PCDH9: variants seen among roughly 807,000 people sequenced by gnomAD.
PCDH9 encodes protocadherin-9.
Under a neutral mutation model 70.6 loss-of-function variants are expected in PCDH9, and 24 were observed. The ratio of observed to expected loss-of-function variants is 0.34; its 90% CI spans 0.25 to 0.48. The LOEUF is 0.48. PCDH9 is among the 20% of genes least tolerant of loss of function. The pLI, the probability that PCDH9 is intolerant of heterozygous loss-of-function variation, is 0.99. For synonymous variants in PCDH9, 562 were observed against 558.5 expected (o/e 1.01, Z -0.09); for missense variants, 1,281 against 1,503.6 (o/e 0.85, Z 2.45).
At chr13:67,051,382 A>ATTGTTTTTT (rs2085320319) in intron 2 of PCDH9, among the ~76,000 whole-genome samples, 1 of 70,996 alleles carries the variant, frequency 1.4e-5, no homozygotes. Context: ...ACAATACAAG[A>ATTGTTTTTT]TTTTTTTTTT....
At chr13:66,388,846 C>T (rs543887820) in intron 4 of PCDH9, among the ~76,000 whole-genome samples, 135 of 152,164 alleles carry the variant, frequency 8.9e-4, no homozygotes, top group African/African-American at 3.0e-3. Flanking sequence ...AATGTAGCCC[C>T]CTCAGAATAT....
At chr13:66,717,303 T>TTAGC (rs2078877468) in intron 3 of PCDH9, among the ~76,000 whole-genome samples, 2 of 150,756 alleles carry the variant, frequency 1.3e-5, no homozygotes, top group African/African-American at 4.9e-5. Flanking sequence ...AATACAAAAA[T>TTAGC]TAGCCAGGTG....
chr13:66,642,549 T>G (rs566389424), intron 3 of PCDH9, among the ~76,000 whole-genome samples: 27 of 152,172 alleles, frequency 1.8e-4, no homozygotes, highest in African/African-American at 6.3e-4. Flanking sequence ...ACTAGATTTT[T>G]TAAAGTTTTC....
chr13:66,570,351 T>C (rs1324161728), intron 4 of PCDH9, among the ~76,000 whole-genome samples: 1 of 152,106 alleles, frequency 6.6e-6, no homozygotes, highest in Non-Finnish European at 1.5e-5. Flanking sequence ...TTTTGACTAC[T>C]TTGGTGGATA....
intron 4 of PCDH9, among the ~76,000 whole-genome samples, chr13:66,411,011 A>G (rs1251062712): frequency 6.6e-6 from 1 of 152,224 alleles, no homozygotes; most frequent in East Asian, 1.9e-4. Context: ...TCATAATGGT[A>G]ACAGGTGAAT....
chr13:67,046,952 G>T (rs536805114), intron 2 of PCDH9, among the ~76,000 whole-genome samples: 1 of 152,140 alleles, frequency 6.6e-6, no homozygotes, highest in Non-Finnish European at 1.5e-5. Flanking sequence ...GATGATTTCA[G>T]TATAATCTAG....
At chr13:66,551,301 G>C (rs1433894648) in intron 4 of PCDH9, among the ~76,000 whole-genome samples, 1 of 152,104 alleles carries the variant, frequency 6.6e-6, no homozygotes, top group African/African-American at 2.4e-5. Context: ...GAAGCACAAT[G>C]CATTTCACTG....
At chr13:66,526,117 T>A (rs1051883047) in intron 4 of PCDH9, among the ~76,000 whole-genome samples, 2 of 152,152 alleles carry the variant, frequency 1.3e-5, no homozygotes, top group African/African-American at 4.8e-5. Flanking sequence ...AAAATAAATA[T>A]TAGTTTTGTG....
At chr13:66,348,199 G>T (rs1433077532) in intron 4 of PCDH9, among the ~76,000 whole-genome samples, 1 of 151,494 alleles carries the variant, frequency 6.6e-6, no homozygotes, top group Non-Finnish European at 1.5e-5. Context: ...CACATTTCTG[G>T]GGTCTTCTAG....
At chr13:66,786,381 G>A (rs917120155) in intron 3 of PCDH9, among the ~76,000 whole-genome samples, 1 of 152,152 alleles carries the variant, frequency 6.6e-6, no homozygotes, top group Non-Finnish European at 1.5e-5. Context: ...GAAGGCTTAT[G>A]CTGTATGCTT....
chr13:66,949,670 C>T (rs1273805973), intron 2 of PCDH9, among the ~76,000 whole-genome samples: 1 of 151,752 alleles, frequency 6.6e-6, no homozygotes, highest in Admixed American at 6.6e-5. Flanking sequence ...AGATGCACAA[C>T]CTTAATCTTT....
chr13:66,829,558 A>G (rs2080886251), intron 3 of PCDH9, among the ~76,000 whole-genome samples: 1 of 151,630 alleles, frequency 6.6e-6, no homozygotes, highest in Non-Finnish European at 1.5e-5. Context: ...AAAAGGGTGA[A>G]TTTTACTGTT....
At chr13:66,735,052 T>G (rs1463437483) in intron 3 of PCDH9, among the ~76,000 whole-genome samples, 2 of 152,306 alleles carry the variant, frequency 1.3e-5, no homozygotes, top group East Asian at 3.9e-4. Context: ...TTCAGTCACA[T>G]GAATATATAT....
chr13:66,604,919 C>T (rs1421415663), intron 4 of PCDH9, among the ~76,000 whole-genome samples: 1 of 151,722 alleles, frequency 6.6e-6, no homozygotes, highest in African/African-American at 2.4e-5. Context: ...TAAGTAAGGC[C>T]GTAAAATTCC....
intron 2 of PCDH9, among the ~76,000 whole-genome samples, chr13:67,189,407 G>A (rs773973398): frequency 1.3e-5 from 2 of 151,902 alleles, no homozygotes; most frequent in Non-Finnish European, 2.9e-5. Context: ...AAACACAGAC[G>A]CATGTAACTA....
intron 2 of PCDH9, among the ~76,000 whole-genome samples, chr13:67,108,017 G>A (rs575313605): frequency 3.6e-4 from 55 of 152,294 alleles, no homozygotes; most frequent in African/African-American, 1.3e-3. Flanking sequence ...CAGCACCTGT[G>A]CCAGCACCTG....
At chr13:66,891,754 G>A (rs1449864048) in intron 3 of PCDH9, among the ~76,000 whole-genome samples, 1 of 151,908 alleles carries the variant, frequency 6.6e-6, no homozygotes, top group Admixed American at 6.6e-5. Context: ...CACATATTTA[G>A]TATATTTTAA....
intron 4 of PCDH9, among the ~76,000 whole-genome samples, chr13:66,521,609 T>A (rs1959989023): frequency 6.6e-6 from 1 of 152,124 alleles, no homozygotes; most frequent in Non-Finnish European, 1.5e-5. Context: ...CTCAGGACAC[T>A]GATAACACCC....
At chr13:66,891,020 T>C (rs2082087313) in intron 3 of PCDH9, among the ~76,000 whole-genome samples, 2 of 152,102 alleles carry the variant, frequency 1.3e-5, no homozygotes, top group African/African-American at 4.8e-5. Flanking sequence ...ACTTTGCCTT[T>C]TCCAGAATGT....
Sources: gnomAD v4.1 joint callset for allele counts (sites outside exome capture counted in the v4.1 genomes callset) on GRCh38, gnomAD v4.1.1 for gene constraint, MANE v1.5 for transcripts, NCBI Gene and HGNC (gene_info 2026-07-23, HGNC 2026-07-21) for gene names.